PPP1R13B: variants seen among roughly 807,000 people sequenced by gnomAD.
The protein encoded by PPP1R13B is apoptosis-stimulating of p53 protein 1.
Under a neutral mutation model 119.8 loss-of-function variants are expected in PPP1R13B, and 44 were observed. The ratio of observed to expected loss-of-function variants is 0.37; its 90% CI spans 0.29 to 0.47. The LOEUF is 0.47. PPP1R13B is among the 20% of genes least tolerant of loss of function. The pLI, the probability that PPP1R13B is intolerant of heterozygous loss-of-function variation, is 0.99. For synonymous variants in PPP1R13B, 542 were observed against 561.5 expected, an observed-to-expected ratio of 0.97 and a Z score of 0.49; for missense variants, 1,227 against 1,413.5, an observed-to-expected ratio of 0.87 and a Z score of 2.12.
chr14:103,750,702 G>A (rs938153392), intron 7 of PPP1R13B, among the ~76,000 whole-genome samples: 2 of 152,002 alleles, frequency 1.3e-5, no homozygotes, highest in African/African-American at 2.4e-5. Context: ...GTGGTGGCAT[G>A]TGCCTATAAT....
At chr14:103,832,040 A>G (rs1256229130) in intron 1 of PPP1R13B, among the ~76,000 whole-genome samples, 1 of 152,010 alleles carries the variant, frequency 6.6e-6, no homozygotes, top group Non-Finnish European at 1.5e-5. Context: ...CAGGAGTTTA[A>G]GTCCAGGACT....
At chr14:103,776,059 A>C (rs1050161536) in intron 4 of PPP1R13B, among the ~76,000 whole-genome samples, 1 of 151,972 alleles carries the variant, frequency 6.6e-6, no homozygotes, top group Non-Finnish European at 1.5e-5. Flanking sequence ...CAGACAAAGC[A>C]AAAAAGGTTT....
chr14:103,797,554 C>A (rs754010001), intron 1 of PPP1R13B, 36 bp from the exon 2 acceptor site: 1 of 1,568,730 alleles, frequency 6.4e-7, no homozygotes, highest in Non-Finnish European at 8.7e-7. Flanking sequence ...AATTTAGATT[C>A]CTTATCACAA....
rs2084271130 is a variant in PPP1R13B at position 103,742,001 on chromosome 14, T to C, written c.1611A>G (p.Ala537=). The change falls in exon 11 of 17, where the codon GCA becomes GCG. Residue 537 remains alanine, a synonymous_variant. Transcript: ENST00000202556. This position sits in a 1 kb window ranked among gnomAD's most constrained non-coding sequence, Gnocchi z 4.9. ...CAGGCTTGCTGTCCCCAGCTGGAAA[T>C]GCAGGTGGTCCCGCTGGCGGGTACG... The part of the protein sequence containing the change: ...SPTYPPAGPP[A]FPAGDSKPEL... 4 of 1,614,276 alleles carry C rather than the reference T, an allele frequency of 2.5e-6. No individual in the cohort carries two copies. Among genetic ancestry groups the C allele is most frequent in the East Asian group, 4.5e-5 (2 of 44,884 alleles).
chr14:103,767,328 A>G (rs530847806), intron 4 of PPP1R13B, among the ~76,000 whole-genome samples: 38 of 152,140 alleles, frequency 2.5e-4, no homozygotes, highest in Non-Finnish European at 5.0e-4. Context: ...AAATAAATAA[A>G]TAAGAACTGA....
intron 7 of PPP1R13B, 89 bp from the exon 8 acceptor site, chr14:103,750,023 AT>A: frequency 7.0e-7 from 1 of 1,438,006 alleles, no homozygotes; most frequent in Non-Finnish European, 9.5e-7. Context: ...AAAAAGTAGC[AT>A]TAAGTTCTCA....
At chr14:103,840,449 A>G (rs774268816) in intron 1 of PPP1R13B, among the ~76,000 whole-genome samples, 1 of 152,238 alleles carries the variant, frequency 6.6e-6, no homozygotes, top group South Asian at 2.1e-4. Flanking sequence ...CATTTAACAC[A>G]TTTACATTTA....
rs376403203 is a variant in PPP1R13B, at chr14:103,740,019, G to A, written c.2397C>T (p.Pro799=). 3.7e-5 allele frequency: 60 copies of A among 1,614,050 alleles called. No individual in the cohort carries two copies. Among genetic ancestry groups the A allele is most frequent in the Admixed American group, 2.5e-4 (15 of 60,020 alleles). Residue 799 remains proline, a synonymous_variant, in exon 12 of 17, where the codon CCC becomes CCT. Transcript: ENST00000202556. This position sits in a 1 kb window ranked among gnomAD's most constrained non-coding sequence, Gnocchi z 4.6. ...GGGGACAGATGAGCTCCTCTGGTTCGGGGGAAGGTAACTCATTATCATTGG... is the reference window on the plus strand; with the variant it reads ...GGGGACAGATGAGCTCCTCTGGTTCAGGGGAAGGTAACTCATTATCATTGG... ...SDANDNELPS[P]EPEELICPQT... is the part of the protein sequence containing the mutation.
intron 3 of PPP1R13B, 111 bp from the exon 4 acceptor site, chr14:103,778,932 G>T: frequency 2.4e-6 from 2 of 837,396 alleles, no homozygotes; most frequent in Non-Finnish European, 1.9e-6. Flanking sequence ...AAAATACCAG[G>T]CTGAGAAATT....
At chr14:103,762,748 G>C in intron 4 of PPP1R13B, 1 of 683,288 alleles carries the variant, frequency 1.5e-6, no homozygotes, top group South Asian at 1.5e-5. Flanking sequence ...ACGGATGGGG[G>C]TGGAGGCGCT....
chr14:103,836,424 T>G (rs533997900), intron 1 of PPP1R13B, among the ~76,000 whole-genome samples: 5 of 152,168 alleles, frequency 3.3e-5, no homozygotes, highest in Non-Finnish European at 5.9e-5. Context: ...AATATAGTGT[T>G]ATTAAACCCA....
intron 1 of PPP1R13B, among the ~76,000 whole-genome samples, chr14:103,823,782 TG>T (rs2086468219): frequency 6.6e-6 from 1 of 152,196 alleles, no homozygotes; most frequent in Non-Finnish European, 1.5e-5. Context: ...CCAGAAATCC[TG>T]TTTTTTAAAG....
chr14:103,792,198 G>GTGTGTA (rs1555441412), intron 2 of PPP1R13B, among the ~76,000 whole-genome samples: 2 of 150,088 alleles, frequency 1.3e-5, no homozygotes, highest in Non-Finnish European at 1.5e-5. Context: ...GTGTGTGTGT[G>GTGTGTA]TGTATATTTT....
intron 7 of PPP1R13B, among the ~76,000 whole-genome samples, chr14:103,750,553 G>A (rs1297338653): frequency 2.0e-5 from 3 of 152,184 alleles, no homozygotes; most frequent in Admixed American, 1.3e-4. Flanking sequence ...ATTGCAGGCC[G>A]GGTGCGGTGG....
At chr14:103,845,215 A>G (rs552245509) in intron 1 of PPP1R13B, among the ~76,000 whole-genome samples, 1 of 133,256 alleles carries the variant, frequency 7.5e-6, no homozygotes, top group South Asian at 2.3e-4. Flanking sequence ...ATAAATCGAG[A>G]AAAATCTTAT....
chr14:103,830,606 T>C (rs374857602), intron 1 of PPP1R13B, among the ~76,000 whole-genome samples: 41 of 152,210 alleles, frequency 2.7e-4, no homozygotes, highest in African/African-American at 9.6e-4. Flanking sequence ...TGCCTCCCAG[T>C]AGTTTTCCAA....
intron 1 of PPP1R13B, among the ~76,000 whole-genome samples, chr14:103,842,904 G>C (rs1374956730): frequency 1.3e-5 from 2 of 151,998 alleles, no homozygotes; most frequent in African/African-American, 2.4e-5. Flanking sequence ...TTGAACCCGG[G>C]AGGCGGAGGT....
intron 5 of PPP1R13B, among the ~76,000 whole-genome samples, 174 bp downstream of exon 5, chr14:103,757,476 T>C (rs761735456): frequency 6.6e-6 from 1 of 152,222 alleles, no homozygotes; most frequent in Non-Finnish European, 1.5e-5. Flanking sequence ...GAAACTACAG[T>C]ATGCATATAT....
At chr14:103,760,419 G>A (rs898864460) in intron 4 of PPP1R13B, among the ~76,000 whole-genome samples, 1 of 152,158 alleles carries the variant, frequency 6.6e-6, no homozygotes, top group African/African-American at 2.4e-5. Context: ...GGCAATTCAA[G>A]GTCCCTAATT....
Sources: allele counts gnomAD v4.1 joint callset (sites outside exome capture counted in the v4.1 genomes callset), GRCh38; gene constraint gnomAD v4.1.1; non-coding constraint Gnocchi (gnomAD v3.1); transcripts MANE v1.5; gene names NCBI Gene and HGNC (gene_info 2026-07-23, HGNC 2026-07-21).